Variants in MAP4K4 observed in about 807,000 individuals in gnomAD.
The protein encoded by MAP4K4 is mitogen-activated protein kinase kinase kinase kinase 4, also known as HPK/GCK-like kinase HGK.
In MAP4K4, 38 loss-of-function variants were observed where a neutral mutation model predicts 189.6. That is an observed-to-expected ratio of 0.20 (90% CI 0.15 to 0.26). The LOEUF is 0.26. MAP4K4 is among the 10% of genes least tolerant of loss of function. The probability of loss-of-function intolerance (pLI) is 1.00; values close to 1 mark genes in which losing one functional copy is unlikely to be tolerated. For synonymous variants in MAP4K4, 610 were observed against 624.3 expected (o/e 0.98, Z 0.34); for missense variants, 1,054 against 1,726.9 (o/e 0.61, Z 6.91).
exon 6 of MAP4K4, chr2:101,829,505 G>A: frequency 6.2e-7 from 1 of 1,605,874 alleles, no homozygotes. Flanking sequence ...CCTATTCAGG[G>A]ACTGGCACAT....
intron 2 of MAP4K4, among the ~76,000 whole-genome samples, chr2:101,714,823 G>A (rs369692675): frequency 6.6e-6 from 1 of 152,046 alleles, no homozygotes; most frequent in African/African-American, 2.4e-5. Context: ...AGTCCACTTC[G>A]GGAATCATGG....
chr2:101,758,440 G>T (rs1177940093), intron 2 of MAP4K4, among the ~76,000 whole-genome samples: 1 of 152,142 alleles, frequency 6.6e-6, no homozygotes, highest in East Asian at 1.9e-4. Context: ...ATGTTTTTCA[G>T]CCAAATGCAT....
At chr2:101,884,851 A>G (rs1387558156) in intron 28 of MAP4K4, among the ~76,000 whole-genome samples, 1 of 152,274 alleles carries the variant, frequency 6.6e-6, no homozygotes, top group East Asian at 1.9e-4. Context: ...CTCTTGGCTG[A>G]TTAATCATGT....
In MAP4K4 at chr2:101,869,809, G is replaced by A; in HGVS notation, c.2639+12G>A. 1 of 1,532,846 alleles carries A rather than the reference G, an allele frequency of 6.5e-7. No individual in the cohort carries two copies. Among genetic ancestry groups the A allele is most frequent in the Non-Finnish European group, 8.8e-7 (1 of 1,138,802 alleles). 95.0% of individuals were successfully genotyped at this position (1,532,846 alleles called of 1,614,324 possible). On this transcript the variant is annotated intron_variant, in intron 22 of 32. Coordinates refer to ENST00000324219, the Ensembl canonical transcript of MAP4K4. ...GACACCAGAGCAGCGTCAGTCCCCGGTCTCTTTTAGAGCGGATGAGAGTAT... is the reference window on the plus strand; with the variant it reads ...GACACCAGAGCAGCGTCAGTCCCCGATCTCTTTTAGAGCGGATGAGAGTAT...
intron 2 of MAP4K4, among the ~76,000 whole-genome samples, chr2:101,729,101 A>AGAGAGAGAGTGT (rs149283961): frequency 3.0e-4 from 39 of 130,606 alleles, no homozygotes; most frequent in African/African-American, 1.1e-3. Flanking sequence ...AGAGAGAGAG[A>AGAGAGAGAGTGT]GTGTGTGTGT....
intron 11 of MAP4K4, 103 bp from the exon 12 acceptor site, chr2:101,843,998 C>A: frequency 1.3e-6 from 1 of 740,972 alleles, no homozygotes; most frequent in Non-Finnish European, 2.3e-6. Flanking sequence ...CAGAGGAACT[C>A]AGAGAATGAA....
chr2:101,852,288 TCTGTCATCAC>T (rs2097311199), intron 12 of MAP4K4, among the ~76,000 whole-genome samples: 1 of 152,148 alleles, frequency 6.6e-6, no homozygotes, highest in Non-Finnish European at 1.5e-5. Flanking sequence ...GATTCCTGAG[TCTGTCATCAC>T]TCTAAATGCT....
At chr2:101,774,379 A>G (rs2082944495) in intron 2 of MAP4K4, among the ~76,000 whole-genome samples, 1 of 152,146 alleles carries the variant, frequency 6.6e-6, no homozygotes, top group Admixed American at 6.5e-5. Flanking sequence ...CGTCTGTTGA[A>G]GTCTTTTGCC....
intron 5 of MAP4K4, among the ~76,000 whole-genome samples, chr2:101,829,122 G>A (rs2096497636): frequency 6.6e-6 from 1 of 152,168 alleles, no homozygotes; most frequent in Admixed American, 6.5e-5. Flanking sequence ...CCTGAGATGT[G>A]TCTAGTTCAA....
intron 2 of MAP4K4, among the ~76,000 whole-genome samples, chr2:101,716,700 A>T (rs777256604): frequency 6.6e-6 from 1 of 152,082 alleles, no homozygotes; most frequent in Non-Finnish European, 1.5e-5. Context: ...GGACTGGGGC[A>T]TACTCAGTGT....
intron 10 of MAP4K4, among the ~76,000 whole-genome samples, chr2:101,841,312 T>G (rs545004265): frequency 1.3e-5 from 2 of 152,340 alleles, no homozygotes; most frequent in South Asian, 4.1e-4. Flanking sequence ...TTCTGAAGAT[T>G]ATTTAAGCTG....
At chr2:101,724,389 A>C (rs2054037190) in intron 2 of MAP4K4, among the ~76,000 whole-genome samples, 1 of 152,196 alleles carries the variant, frequency 6.6e-6, no homozygotes, top group African/African-American at 2.4e-5. Flanking sequence ...TTTGGGCCTC[A>C]GGTTCCTTTT....
intron 29 of MAP4K4, 50 bp downstream of exon 29, chr2:101,885,337 A>G (rs917981922): frequency 2.8e-6 from 3 of 1,076,030 alleles, no homozygotes; most frequent in Admixed American, 2.2e-5. Context: ...TCAAGCTGCA[A>G]CCAAGAGTCA....
chr2:101,786,759 A>G (rs946656586), intron 2 of MAP4K4, among the ~76,000 whole-genome samples: 1 of 152,180 alleles, frequency 6.6e-6, no homozygotes, highest in Non-Finnish European at 1.5e-5. Flanking sequence ...AGAAAATTCA[A>G]AGTTTCTCAT....
intron 3 of MAP4K4, among the ~76,000 whole-genome samples, chr2:101,819,748 G>A (rs947629641): frequency 6.6e-6 from 1 of 152,154 alleles, no homozygotes; most frequent in African/African-American, 2.4e-5. Context: ...TATTAGAAAA[G>A]CTATTGCCAG....
chr2:101,771,527 A>G (rs1350920240), intron 2 of MAP4K4, among the ~76,000 whole-genome samples: 1 of 152,176 alleles, frequency 6.6e-6, no homozygotes, highest in Non-Finnish European at 1.5e-5. Context: ...CCAGCTGCTC[A>G]GTCTTCACTG....
At chr2:101,891,835 A>G (rs1469145175) in exon 33 of MAP4K4, 2 of 141,998 alleles carry the variant, frequency 1.4e-5, no homozygotes, top group Admixed American at 7.1e-5. Flanking sequence ...CACAGTTACT[A>G]GGATAACTTT....
At chr2:101,849,571 G>A (rs1220506706) in intron 12 of MAP4K4, among the ~76,000 whole-genome samples, 1 of 149,348 alleles carries the variant, frequency 6.7e-6, no homozygotes, top group African/African-American at 2.5e-5. Context: ...TGCTTTTTAG[G>A]AAAAATGAAG....
At chr2:101,732,214 A>G (rs546522273) in intron 2 of MAP4K4, among the ~76,000 whole-genome samples, 1 of 152,274 alleles carries the variant, frequency 6.6e-6, no homozygotes, top group Non-Finnish European at 1.5e-5. Context: ...GAAGTAACCC[A>G]TACAACCTTC....
Sources: allele counts gnomAD v4.1 joint callset (sites outside exome capture counted in the v4.1 genomes callset), GRCh38; gene constraint gnomAD v4.1.1; transcripts MANE v1.5; gene names NCBI Gene and HGNC (gene_info 2026-07-23, HGNC 2026-07-21).